Variants in GPC6 observed in about 807,000 individuals in gnomAD.
The protein encoded by GPC6 is glypican-6.
Under a neutral mutation model 55.2 loss-of-function variants are expected in GPC6, and 14 were observed. The observed-to-expected ratio is 0.25, with a 90% CI of 0.17 to 0.40. The LOEUF is 0.40. Among genes scored for constraint, GPC6 ranks in the 10% least tolerant of loss-of-function variants. The pLI, the probability that GPC6 is intolerant of heterozygous loss-of-function variation, is 1.00. For synonymous variants in GPC6, 278 were observed against 259.6 expected, an observed-to-expected ratio of 1.07 and a Z score of -0.68; for missense variants, 641 against 708.5, an observed-to-expected ratio of 0.90 and a Z score of 1.08.
At chr13:93,537,138 C>T (rs1034316539) in intron 1 of GPC6, among the ~76,000 whole-genome samples, 43 of 152,226 alleles carry the variant, frequency 2.8e-4, no homozygotes, top group Admixed American at 1.6e-3. Context: ...GTCTCTTTTC[C>T]TCCCAGAAAA....
chr13:94,381,899 A>G (rs1880175034), intron 6 of GPC6, among the ~76,000 whole-genome samples: 1 of 152,210 alleles, frequency 6.6e-6, no homozygotes, highest in Non-Finnish European at 1.5e-5. Flanking sequence ...CTTACCACCC[A>G]TGTGTGTGCT....
rs74974253 is a variant in GPC6, at chr13:93,433,812, A to T, written c.161-111451A>T. Among the ~76,000 whole-genome samples the T allele has an allele frequency of 8.7e-3, 1,325 of 152,234 alleles. 17 individuals are homozygous for T. The highest frequency in any genetic ancestry group is 0.03 in the African/African-American group (1,265 of 41,524). On this transcript the variant is annotated intron_variant, in intron 1 of 8. Coordinates refer to ENST00000377047, the MANE Select transcript of GPC6 (RefSeq NM_005708.5). ...CATAGTCTTTGCCTTACCAATACAT[A>T]GCAGATTATAGGACATGAATTTTTA...
At chr13:93,613,773 C>T (rs1878594734) in intron 2 of GPC6, among the ~76,000 whole-genome samples, 1 of 152,168 alleles carries the variant, frequency 6.6e-6, no homozygotes, top group South Asian at 2.1e-4. Flanking sequence ...GTTACCAATT[C>T]ATTTCCAGGC....
chr13:94,225,342 A>G (rs1890513985), intron 4 of GPC6, among the ~76,000 whole-genome samples: 1 of 152,048 alleles, frequency 6.6e-6, no homozygotes, highest in Non-Finnish European at 1.5e-5. Context: ...AACATCAGGG[A>G]TTTCAGCCTT....
At chr13:93,832,376 T>C (rs1191531172) in intron 3 of GPC6, among the ~76,000 whole-genome samples, 1 of 151,898 alleles carries the variant, frequency 6.6e-6, no homozygotes, top group Non-Finnish European at 1.5e-5. Flanking sequence ...TTAAACTCAA[T>C]AATAGGATTA....
chr13:94,072,448 G>T (rs1482401540), intron 4 of GPC6, among the ~76,000 whole-genome samples: 1 of 152,114 alleles, frequency 6.6e-6, no homozygotes, highest in Non-Finnish European at 1.5e-5. Flanking sequence ...CTGCCTCCCG[G>T]GTTCAAGCAA....
intron 3 of GPC6, among the ~76,000 whole-genome samples, chr13:94,006,406 G>T (rs1454715895): frequency 1.3e-5 from 2 of 152,150 alleles, no homozygotes; most frequent in Non-Finnish European, 2.9e-5. Flanking sequence ...CAGACCCGAG[G>T]CTTATACAGC....
intron 1 of GPC6, among the ~76,000 whole-genome samples, chr13:93,325,189 A>T (rs762676384): frequency 1.3e-5 from 2 of 152,154 alleles, no homozygotes; most frequent in Non-Finnish European, 2.9e-5. Flanking sequence ...ATTTCTAGCC[A>T]GTTAGTCCCC....
At chr13:93,575,241 A>G (rs1876601411) in intron 2 of GPC6, among the ~76,000 whole-genome samples, 1 of 152,212 alleles carries the variant, frequency 6.6e-6, no homozygotes, top group Non-Finnish European at 1.5e-5. Context: ...GAGTGAGCCA[A>G]GATTATACCA....
chr13:93,439,940 A>G, intron 1 of GPC6, among the ~76,000 whole-genome samples: 1 of 152,140 alleles, frequency 6.6e-6, no homozygotes, highest in East Asian at 1.9e-4. Context: ...CAAAATAATT[A>G]ATAGTTTTAT....
intron 1 of GPC6, among the ~76,000 whole-genome samples, chr13:93,265,685 G>T (rs144568126): frequency 1.1e-3 from 171 of 152,292 alleles, no homozygotes; most frequent in African/African-American, 4.0e-3. Flanking sequence ...ACTGGTGTAT[G>T]TGTATATGTC....
chr13:94,323,968 A>G (rs1221175967), intron 6 of GPC6, among the ~76,000 whole-genome samples: 1 of 152,176 alleles, frequency 6.6e-6, no homozygotes, highest in Non-Finnish European at 1.5e-5. Flanking sequence ...TTCTCGGCAC[A>G]TTTAGGACTA....
At chr13:94,093,894 G>A (rs959687346) in intron 4 of GPC6, among the ~76,000 whole-genome samples, 4 of 151,938 alleles carry the variant, frequency 2.6e-5, no homozygotes, top group African/African-American at 7.2e-5. Context: ...GAGTTCCTAC[G>A]AAGTTTAAGA....
intron 4 of GPC6, among the ~76,000 whole-genome samples, chr13:94,127,566 G>A (rs1019678593): frequency 2.0e-5 from 3 of 152,144 alleles, no homozygotes; most frequent in Non-Finnish European, 4.4e-5. Context: ...CCCACTCTCA[G>A]GTGTTTCTTT....
intron 3 of GPC6, among the ~76,000 whole-genome samples, chr13:93,925,466 T>G (rs530990481): frequency 6.6e-6 from 1 of 152,334 alleles, no homozygotes; most frequent in East Asian, 1.9e-4. Flanking sequence ...AAGAAGTAGT[T>G]TCCTGATAAA....
intron 2 of GPC6, among the ~76,000 whole-genome samples, chr13:93,697,261 T>A (rs943251554): frequency 6.6e-6 from 1 of 152,168 alleles, no homozygotes; most frequent in Admixed American, 6.5e-5. Flanking sequence ...CATTACCTGA[T>A]GCACTGGTCA....
At chr13:94,185,458 A>G (rs960250404) in intron 4 of GPC6, among the ~76,000 whole-genome samples, 4 of 152,032 alleles carry the variant, frequency 2.6e-5, no homozygotes, top group African/African-American at 9.7e-5. Flanking sequence ...CAACGTGTAC[A>G]TAGACACATT....
At chr13:94,081,167 C>T (rs770609064) in intron 4 of GPC6, among the ~76,000 whole-genome samples, 1 of 152,166 alleles carries the variant, frequency 6.6e-6, no homozygotes, top group Non-Finnish European at 1.5e-5. Context: ...CTAAAAGACT[C>T]ATTAAGAAAT....
At chr13:94,076,835 A>G (rs1884931388) in intron 4 of GPC6, among the ~76,000 whole-genome samples, 1 of 151,646 alleles carries the variant, frequency 6.6e-6, no homozygotes, top group Admixed American at 6.6e-5. Flanking sequence ...CCATTGATCT[A>G]TATGTCTGTC....
Sources: gnomAD v4.1 joint callset for allele counts (sites outside exome capture counted in the v4.1 genomes callset) on GRCh38, gnomAD v4.1.1 for gene constraint, MANE v1.5 for transcripts, NCBI Gene and HGNC (gene_info 2026-07-23, HGNC 2026-07-21) for gene names.